The following GRK5 variants were observed in gnomAD, a reference collection of about 807,000 sequenced individuals.
GRK5 encodes g protein-coupled receptor kinase GRK5.
Under a neutral mutation model 78.4 loss-of-function variants are expected in GRK5, and 40 were observed. That is an observed-to-expected ratio of 0.51 (90% CI 0.40 to 0.66). GRK5 has a LOEUF of 0.66. GRK5 is among the 30% of genes least tolerant of loss of function. The pLI, the probability that GRK5 is intolerant of heterozygous loss-of-function variation, is 0.00. For missense variants in GRK5, 598 were observed against 759.9 expected, an observed-to-expected ratio of 0.79 and a Z score of 2.50; for synonymous variants, 289 against 296.8, an observed-to-expected ratio of 0.97 and a Z score of 0.27.
At chr10:119,275,611 T>TCTCTCTCTCTCTCTCTCTCTCG (rs574879389) in intron 1 of GRK5, among the ~76,000 whole-genome samples, 1 of 123,912 alleles carries the variant, frequency 8.1e-6, no homozygotes, top group African/African-American at 3.5e-5. Flanking sequence ...TCTCTCTCTC[T>TCTCTCTCTCTCTCTCTCTCTCG]CGCACACACA....
chr10:119,245,288 G>A (rs1849090029), intron 1 of GRK5, among the ~76,000 whole-genome samples: 1 of 151,592 alleles, frequency 6.6e-6, no homozygotes, highest in Non-Finnish European at 1.5e-5. Flanking sequence ...AAAAAAAAAA[G>A]AATTCAAATC....
intron 9 of GRK5, among the ~76,000 whole-genome samples, chr10:119,438,266 A>G (rs1055906746): frequency 6.6e-6 from 1 of 152,108 alleles, no homozygotes; most frequent in African/African-American, 2.4e-5. Flanking sequence ...TTATTGAGAA[A>G]GGGCAGATGG....
chr10:119,333,703 T>G (rs2133773201), intron 2 of GRK5: 1 of 510,892 alleles, frequency 2.0e-6, no homozygotes. Flanking sequence ...TGTAAGTGTG[T>G]GCAGCGAGTT....
intron 2 of GRK5, among the ~76,000 whole-genome samples, chr10:119,380,421 C>T (rs1245468490): frequency 6.6e-6 from 1 of 152,216 alleles, no homozygotes; most frequent in Non-Finnish European, 1.5e-5. Context: ...TCCAGTGTTC[C>T]CAGGGAGTCT....
intron 2 of GRK5, among the ~76,000 whole-genome samples, chr10:119,331,655 G>A (rs1301193370): frequency 6.6e-6 from 1 of 152,202 alleles, no homozygotes; most frequent in Non-Finnish European, 1.5e-5. Flanking sequence ...CAGAGCTGAG[G>A]GCAGAACCCA....
intron 4 of GRK5, among the ~76,000 whole-genome samples, chr10:119,404,594 G>T (rs1040119125): frequency 1.3e-5 from 2 of 152,192 alleles, no homozygotes; most frequent in Non-Finnish European, 2.9e-5. Flanking sequence ...TTGTAAGAAG[G>T]CCTCAGTTTT....
chr10:119,250,533 T>TG (rs1849182784), intron 1 of GRK5, among the ~76,000 whole-genome samples: 2 of 151,008 alleles, frequency 1.3e-5, no homozygotes, highest in Non-Finnish European at 3.0e-5. Flanking sequence ...TTTTTTTTTT[T>TG]GTACAGTCAA....
At chr10:119,285,243 A>G (rs1330263785) in intron 1 of GRK5, among the ~76,000 whole-genome samples, 2 of 152,122 alleles carry the variant, frequency 1.3e-5, no homozygotes, top group Non-Finnish European at 2.9e-5. Context: ...GGGGAGCACT[A>G]AGGGACTCCT....
chr10:119,394,287 TGTGTATCTGTGTGTCTGTGTGGGC>T, intron 3 of GRK5, among the ~76,000 whole-genome samples: 1 of 34,028 alleles, frequency 2.9e-5, no homozygotes, highest in Admixed American at 2.0e-4. Context: ...TGTGTGTGGG[TGTGTATCTGTGTGTCTGTGTGGGC>T]ACGTGGGTGT....
rs754709335 is a variant in GRK5 at position 119,452,190 on chromosome 10, G to A, written c.1405-481G>A. On this transcript the variant is annotated intron_variant, in intron 13 of 15. Coordinates refer to ENST00000392870, the MANE Select transcript of GRK5 (RefSeq NM_005308.3). This position sits in a 1 kb window ranked among gnomAD's most constrained non-coding sequence, Gnocchi z 4.4. ...AGCAGCCCCATCGCCCAGGTGCCTCGTTGTCCCCATTTTGCCGGTAAGGAA... is the reference window on the plus strand; with the variant it reads ...AGCAGCCCCATCGCCCAGGTGCCTCATTGTCCCCATTTTGCCGGTAAGGAA... Among the ~76,000 whole-genome samples, 2 of 152,188 alleles carry A rather than the reference G, an allele frequency of 1.3e-5. No homozygotes were observed. The highest frequency in any genetic ancestry group is 2.9e-5 in the Non-Finnish European group (2 of 68,032).
In GRK5 at chr10:119,218,921, C is replaced by T. The variant is rs367761670; in HGVS notation, c.52+10952C>T. The stretch of plus-strand genomic sequence containing the variant: ...AAACTTTTTTTTTTTTTTTTTGAGA[C>T]GGAGTCTCGCTCTGTCCCTAGGCCA... On this transcript the variant is annotated intron_variant, in intron 1 of 15. Coordinates refer to ENST00000392870, the MANE Select transcript of GRK5 (RefSeq NM_005308.3). 3.4e-3 allele frequency among the ~76,000 whole-genome samples: 499 copies of T among 145,182 alleles called. 1 individual carries two copies. Among genetic ancestry groups the T allele is most frequent in the African/African-American group, 0.012 (473 of 38,260 alleles).
At chr10:119,393,383 G>C (rs1197408359) in intron 3 of GRK5, among the ~76,000 whole-genome samples, 4 of 152,332 alleles carry the variant, frequency 2.6e-5, no homozygotes, top group South Asian at 2.1e-4. Context: ...TTTTTAACGT[G>C]GGTTTTAGTA....
chr10:119,227,558 A>T (rs1300994661), intron 1 of GRK5, among the ~76,000 whole-genome samples: 2 of 152,172 alleles, frequency 1.3e-5, no homozygotes, highest in South Asian at 2.1e-4. Context: ...GTGACAGAAC[A>T]AGACTTGATC....
Position 119,369,438 on chromosome 10 carries a change from C to T in GRK5, c.149-11377C>T, listed in dbSNP as rs74891119. Among the ~76,000 whole-genome samples the T allele has an allele frequency of 1.9e-3, 285 of 152,266 alleles. 3 individuals are homozygous for T. Among genetic ancestry groups the T allele is most frequent in the African/African-American group, 6.5e-3 (269 of 41,540 alleles). ...CAGGCCACGCAGGGTAAAACAAACC[C>T]GAAGTTCTTCTGAGCAGCTGCGCAT... On this transcript the variant is annotated intron_variant, in intron 2 of 15. Coordinates refer to ENST00000392870, the MANE Select transcript of GRK5 (RefSeq NM_005308.3).
At chr10:119,289,856 A>T (rs113791889) in intron 1 of GRK5, among the ~76,000 whole-genome samples, 2 of 152,202 alleles carry the variant, frequency 1.3e-5, no homozygotes, top group South Asian at 4.1e-4. Context: ...TCAAACACCT[A>T]TGTGTCAGGA....
chr10:119,435,754 G>GTAT lies in GRK5; in HGVS notation c.739-895_739-893dup, dbSNP rs1289007085. 2.0e-5 allele frequency among the ~76,000 whole-genome samples: 3 copies of GTAT among 152,070 alleles called. No homozygotes were observed. The East Asian group carries it at 5.8e-4, about 29-fold the overall frequency. ...TCCAAAGTCATGTCTACCTTTTTGG[G>GTAT]TATTTTTTTCAGCAGTGCCTCACTC... On this transcript the variant is annotated intron_variant, in intron 8 of 15. Transcript: ENST00000392870.
At chr10:119,385,732 T>C in intron 3 of GRK5, among the ~76,000 whole-genome samples, 1 of 152,050 alleles carries the variant, frequency 6.6e-6, no homozygotes. Context: ...GGTCACCTTG[T>C]GGGGAAAATC....
At position 119,429,954 on chromosome 10, in the gene GRK5, C is replaced by A. The variant is rs915122; in HGVS notation, c.534-421C>A. 3.9e-5 allele frequency among the ~76,000 whole-genome samples: 6 copies of A among 152,118 alleles called. No homozygotes were observed. In the South Asian group the frequency reaches 6.2e-4, roughly 16 times the overall value. ...GTAGGGAGGGCTGTGACCTCCTTCG[C>A]GTCCTTTGTGGGACGCTGGTCCTCT... On this transcript the variant is annotated intron_variant, in intron 6 of 15. Transcript: ENST00000392870.
In GRK5 at chr10:119,221,937, A is replaced by G. The variant is rs114240064; in HGVS notation, c.52+13968A>G. On this transcript the variant is annotated intron_variant, in intron 1 of 15. Coordinates refer to ENST00000392870, the MANE Select transcript of GRK5 (RefSeq NM_005308.3). ...GGGAAATTAAGGTTGAGTTCAGTCA[A>G]AGACTTTAGTTGTAGATGACTTTTC... Among the ~76,000 whole-genome samples, 300 of 152,310 alleles carry G rather than the reference A, an allele frequency of 2.0e-3. 1 individual carries two copies. The highest frequency in any genetic ancestry group is 6.5e-3 in the African/African-American group (269 of 41,564).
Sources: gnomAD v4.1 joint callset for allele counts (sites outside exome capture counted in the v4.1 genomes callset) on GRCh38, gnomAD v4.1.1 for gene constraint, Gnocchi (gnomAD v3.1) non-coding constraint, MANE v1.5 for transcripts, NCBI Gene and HGNC (gene_info 2026-07-23, HGNC 2026-07-21) for gene names.